Variants in SPINK6 observed in about 807,000 individuals in gnomAD.
The protein encoded by SPINK6 is serine peptidase inhibitor Kazal type 6.
In SPINK6, 13 loss-of-function variants were observed where a neutral mutation model predicts 11.7. That is an observed-to-expected ratio of 1.11 (90% CI 0.72 to 1.76). SPINK6 has a LOEUF of 1.76. Ranked by LOEUF, SPINK6 falls within the 40% of genes most tolerant of loss-of-function variation. SPINK6 has a pLI of 0.00. For synonymous variants in SPINK6, 21 were observed against 31.9 expected (o/e 0.66, Z 1.15); for missense variants, 98 against 93.7 (o/e 1.05, Z -0.19).
At chr5:148,212,613 TTTATA>T (rs1255801291) in intron 2 of SPINK6, among the ~76,000 whole-genome samples, 2 of 104,418 alleles carry the variant, frequency 1.9e-5, no homozygotes, top group Admixed American at 2.7e-4. Flanking sequence ...ATAATATATA[TTTATA>T]TTATATATTA....
At chr5:148,213,069 GT>G (rs1035991929) in intron 2 of SPINK6, among the ~76,000 whole-genome samples, 10 of 150,556 alleles carry the variant, frequency 6.6e-5, no homozygotes, top group African/African-American at 2.4e-4. Flanking sequence ...ATATATATTA[GT>G]TTATGTGTAT....
chr5:148,210,007 C>CATATACACGTACGTATGT (rs1554112271), intron 2 of SPINK6, among the ~76,000 whole-genome samples: 3 of 105,730 alleles, frequency 2.8e-5, no homozygotes, highest in Non-Finnish European at 3.7e-5. Flanking sequence ...CGTATGTATA[C>CATATACACGTACGTATGT]ATGTATGTAC....
chr5:148,210,011 T>TATGTACGC (rs1029752506), intron 2 of SPINK6, among the ~76,000 whole-genome samples: 1 of 150,862 alleles, frequency 6.6e-6, no homozygotes, highest in African/African-American at 2.4e-5. Context: ...TGTATACATG[T>TATGTACGC]ATGTACGCAT....
At chr5:148,207,596 C>A (rs751666146) in intron 2 of SPINK6, among the ~76,000 whole-genome samples, 1 of 151,996 alleles carries the variant, frequency 6.6e-6, no homozygotes, top group African/African-American at 2.4e-5. Context: ...TTGGGGAGGC[C>A]GAGGTGGGCA....
chr5:148,207,445 C>A (rs924612990), intron 2 of SPINK6, among the ~76,000 whole-genome samples: 6 of 152,136 alleles, frequency 3.9e-5, no homozygotes, highest in South Asian at 4.2e-4. Context: ...GGGGTCCCTG[C>A]GTAGTACTTG....
At chr5:148,213,789 GA>G in intron 2 of SPINK6, 120 bp from the exon 3 acceptor site, 1 of 599,184 alleles carries the variant, frequency 1.7e-6, no homozygotes, top group Non-Finnish European at 3.0e-6. Flanking sequence ...TTATATTTCA[GA>G]ATGCTTTATG....
intron 1 of SPINK6, among the ~76,000 whole-genome samples, chr5:148,203,825 G>T (rs919275561): frequency 1.3e-5 from 2 of 152,036 alleles, no homozygotes; most frequent in African/African-American, 2.4e-5. Context: ...CATACTTCAA[G>T]GTTATGTTTT....
At chr5:148,205,600 C>A (rs1755486984) in intron 1 of SPINK6, among the ~76,000 whole-genome samples, 1 of 152,200 alleles carries the variant, frequency 6.6e-6, no homozygotes, top group Admixed American at 6.5e-5. Context: ...TCTTTCCCAA[C>A]TGCCTGTGGC....
chr5:148,214,159 T>A (rs1443895996), intron 3 of SPINK6, 134 bp downstream of exon 3: 2 of 516,068 alleles, frequency 3.9e-6, no homozygotes, highest in Non-Finnish European at 6.8e-6. Flanking sequence ...TTCAGGCAAT[T>A]TGATTGAAAA....
chr5:148,214,932 G>C lies in SPINK6; in HGVS notation c.225G>C (p.Lys75Asn). Residue 75 changes from lysine to asparagine, a missense_variant, in exon 4 of 4, where the codon AAG (lysine) becomes AAC (asparagine). Transcript: ENST00000325630. Reference protein sequence around the residue: ...IVKSGGKISLKHPGKC With the variant: ...IVKSGGKISLNHPGKC ...AAAGTGGTGGAAAGATTAGCCTAAAGCATCCTGGAAAATGCTGAGTTAAAG... is the reference window on the plus strand; with the variant it reads ...AAAGTGGTGGAAAGATTAGCCTAAACCATCCTGGAAAATGCTGAGTTAAAG... The C allele has an allele frequency of 6.2e-7, 1 of 1,613,640 alleles. No individual in the cohort carries two copies. The highest frequency in any genetic ancestry group is 8.5e-7 in the Non-Finnish European group (1 of 1,179,768).
chr5:148,209,957 T>C (rs1755549104), intron 2 of SPINK6, among the ~76,000 whole-genome samples: 2 of 151,752 alleles, frequency 1.3e-5, no homozygotes, highest in Non-Finnish European at 2.9e-5. Context: ...TTCATATATA[T>C]GTATACATAC....
intron 1 of SPINK6, among the ~76,000 whole-genome samples, chr5:148,204,364 G>A (rs1755471666): frequency 6.6e-6 from 1 of 151,598 alleles, no homozygotes; most frequent in Non-Finnish European, 1.5e-5. Context: ...AAGTTTAGCT[G>A]CAAAGATAGT....
intron 1 of SPINK6, among the ~76,000 whole-genome samples, chr5:148,203,858 A>G (rs1755465168): frequency 6.6e-6 from 1 of 152,154 alleles, no homozygotes; most frequent in Non-Finnish European, 1.5e-5. Flanking sequence ...CATCGGAATG[A>G]GCAGGTCCAT....
At chr5:148,203,605 A>G (rs998293367) in intron 1 of SPINK6, among the ~76,000 whole-genome samples, 3 of 152,214 alleles carry the variant, frequency 2.0e-5, no homozygotes, top group Non-Finnish European at 4.4e-5. Context: ...GCTTTCCAGA[A>G]CAAAGAAATA....
chr5:148,209,964 A>ATACATACGTACG (rs1254512424), intron 2 of SPINK6, among the ~76,000 whole-genome samples: 23 of 149,816 alleles, frequency 1.5e-4, no homozygotes, highest in African/African-American at 5.8e-4. Context: ...ATATGTATAC[A>ATACATACGTACG]TACATACGTA....
chr5:148,210,768 T>C (rs1225610213), intron 2 of SPINK6, among the ~76,000 whole-genome samples: 1 of 151,992 alleles, frequency 6.6e-6, no homozygotes, highest in Non-Finnish European at 1.5e-5. Flanking sequence ...GAGTAGCATA[T>C]GTCATGAGGA....
intron 2 of SPINK6, among the ~76,000 whole-genome samples, chr5:148,212,910 TAA>T (rs963611103): frequency 1.5e-4 from 22 of 145,364 alleles, no homozygotes; most frequent in Admixed American, 1.1e-3. Flanking sequence ...GCTTTAGAGA[TAA>T]GAGTATATAT....
In SPINK6 at chr5:148,209,969, T is replaced by TACGTATGGATGTATACATACAC. The variant is rs1561732069; in HGVS notation, c.81+3916_81+3917insTGGATGTATACATACACACGTA. Among the ~76,000 whole-genome samples, 2 of 126,606 alleles carry TACGTATGGATGTATACATACAC rather than the reference T, an allele frequency of 1.6e-5. 1 individual carries two copies. Among genetic ancestry groups the TACGTATGGATGTATACATACAC allele is most frequent in the Admixed American group, 1.6e-4 (2 of 12,784 alleles). 83.1% of individuals were successfully genotyped at this position (126,606 alleles called of 152,430 possible). ...GGTTTCATATATATGTATACATACA[T>TACGTATGGATGTATACATACAC]ACGTACGTATGTATGTATACATATA... On this transcript the variant is annotated intron_variant, in intron 2 of 3. Transcript: ENST00000325630.
intron 2 of SPINK6, among the ~76,000 whole-genome samples, chr5:148,213,463 T>G (rs2113319051): frequency 6.6e-6 from 1 of 152,198 alleles, no homozygotes; most frequent in Admixed American, 6.5e-5. Context: ...CCTCCCAAAC[T>G]GCTGGGATTA....
Sources: allele counts gnomAD v4.1 joint callset (sites outside exome capture counted in the v4.1 genomes callset), GRCh38; gene constraint gnomAD v4.1.1; transcripts MANE v1.5; gene names NCBI Gene and HGNC (gene_info 2026-07-23, HGNC 2026-07-21).